Variants in EYS observed in about 807,000 individuals in gnomAD.
The protein encoded by EYS is protein eyes shut homolog.
Under a neutral mutation model 282.1 loss-of-function variants are expected in EYS, and 250 were observed. The ratio of observed to expected loss-of-function variants is 0.89; its 90% CI spans 0.80 to 0.98. The LOEUF (loss-of-function observed/expected upper bound fraction) is 0.98. EYS is among the 50% of genes least tolerant of loss of function. The pLI is 0.00. For synonymous variants in EYS, 1,355 were observed against 1,282.9 expected (o/e 1.06, Z -1.20); for missense variants, 4,016 against 3,709.0 (o/e 1.08, Z -2.15).
At chr6:64,215,052 T>C (rs193107299) in intron 31 of EYS, among the ~76,000 whole-genome samples, 20 of 152,136 alleles carry the variant, frequency 1.3e-4, no homozygotes, top group Middle Eastern at 3.4e-3. Context: ...TTCTATTATC[T>C]AAAGATCTAG....
intron 31 of EYS, among the ~76,000 whole-genome samples, chr6:64,093,263 T>C (rs1467471710): frequency 6.6e-6 from 1 of 152,194 alleles, no homozygotes; most frequent in African/African-American, 2.4e-5. Context: ...ATATGAACTT[T>C]AAAGTAGTTT....
intron 8 of EYS, among the ~76,000 whole-genome samples, chr6:65,374,496 T>G (rs1023863238): frequency 1.6e-5 from 2 of 125,994 alleles, no homozygotes; most frequent in Non-Finnish European, 1.7e-5. Context: ...CTGAGCTACC[T>G]GCGGAGTTTT....
chr6:64,344,643 C>T (rs9362726), intron 29 of EYS, among the ~76,000 whole-genome samples: 102,197 of 151,928 alleles, frequency 0.67, 34,465 homozygotes, highest in South Asian at 0.71. Flanking sequence ...TGGCACAAGA[C>T]GGGGATGCCC....
At chr6:64,640,806 C>T (rs1398563209) in intron 22 of EYS, among the ~76,000 whole-genome samples, 1 of 152,000 alleles carries the variant, frequency 6.6e-6, no homozygotes. Context: ...ACAAAAATAG[C>T]TTTGTATTCT....
At chr6:64,519,475 G>A (rs1163714306) in intron 26 of EYS, among the ~76,000 whole-genome samples, 1 of 151,844 alleles carries the variant, frequency 6.6e-6, no homozygotes, top group East Asian at 1.9e-4. Context: ...AAGAGATAAA[G>A]AGGAAAGAAA....
intron 26 of EYS, among the ~76,000 whole-genome samples, chr6:64,502,347 T>C (rs964684862): frequency 1.3e-5 from 2 of 152,096 alleles, no homozygotes; most frequent in African/African-American, 2.4e-5. Flanking sequence ...TTCTCGTCAT[T>C]CTCCTGCCTC....
intron 35 of EYS, among the ~76,000 whole-genome samples, chr6:63,925,443 T>TATA (rs1382952181): frequency 4.6e-5 from 7 of 152,252 alleles, no homozygotes; most frequent in Admixed American, 6.5e-5. Context: ...TACTGGCCTG[T>TATA]ATAAAATAGA....
At chr6:63,836,672 A>G (rs911523407) in intron 36 of EYS, among the ~76,000 whole-genome samples, 22 of 152,074 alleles carry the variant, frequency 1.4e-4, no homozygotes, top group Admixed American at 1.2e-3. Context: ...GATTTTTAAA[A>G]TATTAAAAAA....
intron 26 of EYS, among the ~76,000 whole-genome samples, chr6:64,569,112 A>T (rs774092761): frequency 7.9e-5 from 12 of 151,696 alleles, no homozygotes; most frequent in Non-Finnish European, 1.3e-4. Context: ...ACTCCTTGCC[A>T]GGAAGGTCAC....
At chr6:65,524,159 A>ACCG (rs1274357294) in intron 2 of EYS, among the ~76,000 whole-genome samples, 7 of 152,182 alleles carry the variant, frequency 4.6e-5, no homozygotes, top group Non-Finnish European at 8.8e-5. Flanking sequence ...GGCTTGAGCC[A>ACCG]CCGCATCTGG....
chr6:64,530,321 G>A (rs898149306), intron 26 of EYS, among the ~76,000 whole-genome samples: 6 of 151,916 alleles, frequency 3.9e-5, no homozygotes, highest in Admixed American at 3.9e-4. Context: ...AGTGAAAAGA[G>A]TAGATGTTAA....
intron 2 of EYS, among the ~76,000 whole-genome samples, chr6:65,614,461 G>A (rs1328159893): frequency 7.1e-6 from 1 of 141,362 alleles, no homozygotes; most frequent in East Asian, 2.0e-4. Flanking sequence ...AAAGGATCCA[G>A]AATATGTTGC....
chr6:65,342,253 G>A (rs947596641), intron 10 of EYS, among the ~76,000 whole-genome samples: 2 of 150,924 alleles, frequency 1.3e-5, no homozygotes, highest in African/African-American at 4.8e-5. Flanking sequence ...TTAACTTTAA[G>A]AGAAATATTC....
At chr6:64,790,319 C>T (rs1774151594) in intron 22 of EYS, among the ~76,000 whole-genome samples, 1 of 151,820 alleles carries the variant, frequency 6.6e-6, no homozygotes, top group Admixed American at 6.6e-5. Flanking sequence ...CATAAACCTG[C>T]ACATACACCC....
chr6:65,557,252 C>T (rs1445518748), intron 2 of EYS, among the ~76,000 whole-genome samples: 1 of 152,182 alleles, frequency 6.6e-6, no homozygotes, highest in Non-Finnish European at 1.5e-5. Context: ...TCTCACGCTG[C>T]CAGCCCAGAT....
At chr6:63,929,764 G>A (rs747818559) in intron 35 of EYS, among the ~76,000 whole-genome samples, 5 of 152,146 alleles carry the variant, frequency 3.3e-5, no homozygotes, top group Non-Finnish European at 7.4e-5. Context: ...TCTACACTGA[G>A]TTTTCTGGAG....
At chr6:64,617,591 T>C (rs1767314398) in intron 23 of EYS, 58 bp from the exon 24 acceptor site, 2 of 928,828 alleles carry the variant, frequency 2.2e-6, no homozygotes, top group Non-Finnish European at 3.4e-6. Context: ...AAAACAGTTA[T>C]GCTAATAGCC....
At chr6:64,704,747 CT>C (rs1181154359) in intron 22 of EYS, among the ~76,000 whole-genome samples, 2 of 151,876 alleles carry the variant, frequency 1.3e-5, no homozygotes, top group East Asian at 1.9e-4. Flanking sequence ...GATTGAATGA[CT>C]TCACGAGTTA....
chr6:64,783,459 T>C (rs1238557789), intron 22 of EYS, among the ~76,000 whole-genome samples: 2 of 151,758 alleles, frequency 1.3e-5, no homozygotes, highest in African/African-American at 2.4e-5. Flanking sequence ...ACTACTCTAC[T>C]GCAATCAATT....
Sources: gnomAD v4.1 joint callset for allele counts (sites outside exome capture counted in the v4.1 genomes callset) on GRCh38, gnomAD v4.1.1 for gene constraint, MANE v1.5 for transcripts, NCBI Gene and HGNC (gene_info 2026-07-23, HGNC 2026-07-21) for gene names.